SEMA5A: variants seen among roughly 807,000 people sequenced by gnomAD.
SEMA5A encodes the protein semaphorin 5A.
A neutral mutation model predicts 135.5 loss-of-function variants in SEMA5A; 55 were observed. The ratio of observed to expected loss-of-function variants is 0.41; its 90% confidence interval spans 0.33 to 0.51. SEMA5A has a LOEUF of 0.51. Among genes scored for constraint, SEMA5A ranks in the 20% least tolerant of loss-of-function variants. The probability of loss-of-function intolerance (pLI) is 0.37; values close to 1 mark genes in which losing one functional copy is unlikely to be tolerated. For synonymous variants in SEMA5A, 580 were observed against 546.5 expected (o/e 1.06, Z -0.85); for missense variants, 1,290 against 1,419.9 (o/e 0.91, Z 1.47).
chr5:9,093,035 A>G (rs1180675734), intron 16 of SEMA5A, among the ~76,000 whole-genome samples: 3 of 152,194 alleles, frequency 2.0e-5, no homozygotes, highest in Non-Finnish European at 4.4e-5. Flanking sequence ...CTTCTCTGAA[A>G]TTGAACTAAA....
At chr5:9,116,111 G>T (rs1389995635) in intron 15 of SEMA5A, among the ~76,000 whole-genome samples, 4 of 152,142 alleles carry the variant, frequency 2.6e-5, no homozygotes, top group Admixed American at 2.6e-4. Flanking sequence ...TCCTTCCCCA[G>T]TGGAGCCTCA....
intron 3 of SEMA5A, among the ~76,000 whole-genome samples, chr5:9,366,489 C>T (rs768080676): frequency 2.0e-5 from 3 of 151,864 alleles, no homozygotes; most frequent in Non-Finnish European, 4.4e-5. Context: ...CCCGGGTTCA[C>T]GCCATTCTCC....
chr5:9,462,034 A>G (rs188079439), intron 1 of SEMA5A, among the ~76,000 whole-genome samples: 1 of 152,326 alleles, frequency 6.6e-6, no homozygotes, highest in Non-Finnish European at 1.5e-5. Context: ...CATTGTTAGG[A>G]TGGTGGCACT....
chr5:9,216,463 A>G (rs764582307), intron 8 of SEMA5A, among the ~76,000 whole-genome samples: 2 of 152,126 alleles, frequency 1.3e-5, no homozygotes, highest in African/African-American at 4.8e-5. Context: ...TATGTCCTGT[A>G]GTTTTTTGGT....
chr5:9,065,814 C>T (rs1737434610), intron 17 of SEMA5A, among the ~76,000 whole-genome samples: 1 of 152,128 alleles, frequency 6.6e-6, no homozygotes, highest in African/African-American at 2.4e-5. Context: ...GTGAATTGCC[C>T]CAGGTAAAAG....
intron 9 of SEMA5A, among the ~76,000 whole-genome samples, chr5:9,197,924 T>A (rs1168838978): frequency 1.3e-5 from 2 of 152,102 alleles, no homozygotes; most frequent in East Asian, 3.9e-4. Context: ...AAGAGAAAAA[T>A]TTGACATAGC....
chr5:9,475,696 T>G (rs1759643675), intron 1 of SEMA5A, among the ~76,000 whole-genome samples: 1 of 152,154 alleles, frequency 6.6e-6, no homozygotes, highest in South Asian at 2.1e-4. Flanking sequence ...AGCCAGTTGG[T>G]ATTGTTAAAA....
At chr5:9,501,709 G>T (rs552825213) in intron 1 of SEMA5A, among the ~76,000 whole-genome samples, 2 of 152,136 alleles carry the variant, frequency 1.3e-5, no homozygotes, top group African/African-American at 4.8e-5. Flanking sequence ...AAAACTACTC[G>T]CCAAAGATGA....
chr5:9,458,507 G>A (rs531939098), intron 1 of SEMA5A, among the ~76,000 whole-genome samples: 3 of 152,306 alleles, frequency 2.0e-5, no homozygotes, highest in Admixed American at 2.0e-4. Context: ...AGGCAGTTAA[G>A]GTGATTCAGA....
chr5:9,197,370 G>A, intron 9 of SEMA5A, 67 bp from the exon 10 acceptor site: 1 of 1,566,782 alleles, frequency 6.4e-7, no homozygotes, highest in South Asian at 1.2e-5. Context: ...CTCCCCCTAT[G>A]GACTGGGCAG....
chr5:9,136,980 GCCT>G (rs1424331054), intron 12 of SEMA5A, among the ~76,000 whole-genome samples: 1 of 152,074 alleles, frequency 6.6e-6, no homozygotes, highest in Non-Finnish European at 1.5e-5. Flanking sequence ...ATGATCATCC[GCCT>G]CCTCTTTACA....
intron 1 of SEMA5A, among the ~76,000 whole-genome samples, chr5:9,544,090 G>T (rs1228649247): frequency 6.6e-6 from 1 of 152,044 alleles, no homozygotes; most frequent in East Asian, 1.9e-4. Flanking sequence ...TCTTATTAAA[G>T]CCTGGTTTTG....
chr5:9,381,279 A>G (rs1302209984), intron 2 of SEMA5A, among the ~76,000 whole-genome samples: 1 of 152,262 alleles, frequency 6.6e-6, no homozygotes, highest in African/African-American at 2.4e-5. Context: ...TAAATGAAGC[A>G]GTGACTTTGA....
chr5:9,072,773 A>T (rs922553094), intron 16 of SEMA5A, among the ~76,000 whole-genome samples: 1 of 152,214 alleles, frequency 6.6e-6, no homozygotes, highest in Non-Finnish European at 1.5e-5. Flanking sequence ...GAACCTTAGC[A>T]TATTTTTAGG....
intron 3 of SEMA5A, among the ~76,000 whole-genome samples, chr5:9,360,926 T>G (rs907083860): frequency 4.6e-5 from 7 of 152,140 alleles, no homozygotes; most frequent in African/African-American, 1.7e-4. Flanking sequence ...ATTAAAAACA[T>G]AGTCATTCTC....
chr5:9,375,011 T>C (rs561735459), intron 3 of SEMA5A, among the ~76,000 whole-genome samples: 1 of 152,166 alleles, frequency 6.6e-6, no homozygotes, highest in Non-Finnish European at 1.5e-5. Flanking sequence ...CCATCGCCAT[T>C]TGAGGATGGT....
At chr5:9,281,664 C>G (rs1440807766) in intron 5 of SEMA5A, among the ~76,000 whole-genome samples, 1 of 152,104 alleles carries the variant, frequency 6.6e-6, no homozygotes, top group South Asian at 2.1e-4. Context: ...TATAGACCCC[C>G]AGATCACCAA....
At chr5:9,433,824 A>G (rs1172568366) in intron 2 of SEMA5A, among the ~76,000 whole-genome samples, 2 of 152,240 alleles carry the variant, frequency 1.3e-5, no homozygotes, top group African/African-American at 4.8e-5. Context: ...CATATAAATG[A>G]AGTATAAATA....
Position 9,190,318 on chromosome 5 carries a change from C to T in SEMA5A, c.1222G>A (p.Asp408Asn), listed in dbSNP as rs773209160. The T allele has an allele frequency of 1.1e-5, 18 of 1,614,010 alleles. No homozygotes were observed. Among genetic ancestry groups the T allele is most frequent in the South Asian group, 4.4e-5 (4 of 91,090 alleles). Residue 408 changes from aspartate (D) to asparagine (N), a missense_variant, in exon 11 of 23, where the codon GAC becomes AAC. Asp to Asn is a conservative substitution (Grantham distance 23, BLOSUM62 1). This residue lies in a region of SEMA5A where 1,029 missense variants were observed against 1,086.6 expected (regional missense o/e 0.95). Transcript: ENST00000382496. ...AGCGCTTCTCTGCCCTGCACCACGTCGACTGCCACGTGGGAAAAGCGGCTA... is the reference window on the plus strand; with the variant it reads ...AGCGCTTCTCTGCCCTGCACCACGTTGACTGCCACGTGGGAAAAGCGGCTA... Reference protein sequence around the residue: ...DNSRFSHVAVDVVQGREALVH... With the variant: ...DNSRFSHVAVNVVQGREALVH...
Sources: allele counts gnomAD v4.1 joint callset (sites outside exome capture counted in the v4.1 genomes callset), GRCh38; gene constraint gnomAD v4.1.1; regional missense constraint gnomAD v4.1.1; transcripts MANE v1.5; gene names NCBI Gene and HGNC (gene_info 2026-07-23, HGNC 2026-07-21).